Variants in B4GALT6 observed in about 807,000 individuals in gnomAD.
The protein encoded by B4GALT6 is UDP-Gal:beta-GlcNAc beta-1,4-galactosyltransferase 6.
A neutral mutation model predicts 46.3 loss-of-function variants in B4GALT6; 14 were observed. The observed-to-expected ratio is 0.30, with a 90% CI of 0.20 to 0.47. The LOEUF is 0.47. Among genes scored for constraint, B4GALT6 ranks in the 20% least tolerant of loss-of-function variants. The pLI is 0.99. For synonymous variants in B4GALT6, 168 were observed against 162.0 expected (o/e 1.04, Z -0.28); for missense variants, 386 against 480.1 (o/e 0.80, Z 1.83).
chr18:31,680,125 G>A (rs1381541279), intron 1 of B4GALT6, among the ~76,000 whole-genome samples: 1 of 152,124 alleles, frequency 6.6e-6, no homozygotes, highest in Non-Finnish European at 1.5e-5. Flanking sequence ...CATGATATTC[G>A]GATACCAAAT....
At chr18:31,710,017 C>A in the B4GALT6 span, among the ~76,000 whole-genome samples, 1 of 151,520 alleles carries the variant, frequency 6.6e-6, no homozygotes, top group African/African-American at 2.4e-5. Flanking sequence ...ATTGCTTGAA[C>A]CCGGGAGGCA....
chr18:31,638,573 T>G (rs985833638), intron 5 of B4GALT6, 71 bp downstream of exon 5: 25 of 1,212,674 alleles, frequency 2.1e-5, no homozygotes, highest in Non-Finnish European at 2.4e-6. Context: ...ATCCTAAATA[T>G]GTTTAATCTA....
At chr18:31,689,669 G>A (rs1022321106), upstream of B4GALT6, among the ~76,000 whole-genome samples, 3 of 151,134 alleles carry the variant, frequency 2.0e-5, no homozygotes, top group Non-Finnish European at 4.4e-5. Flanking sequence ...GCTTGAACCC[G>A]GGAGACGGAG....
At chr18:31,666,156 C>A in intron 2 of B4GALT6, 100 bp downstream of exon 2, 1 of 592,568 alleles carries the variant, frequency 1.7e-6, no homozygotes. Flanking sequence ...AAGATACCTT[C>A]TTCATCTTTA....
Position 31,680,013 on chromosome 18 carries a change from A to G in B4GALT6, c.115+4299T>C, listed in dbSNP as rs1195993916. Among the ~76,000 whole-genome samples the G allele has an allele frequency of 2.0e-5, 3 of 152,292 alleles. No homozygotes were observed. In the East Asian group the frequency reaches 5.8e-4, roughly 29 times the overall value. On this transcript the variant is annotated intron_variant, in intron 1 of 8. Transcript: ENST00000306851. ...AAGACAATGGACTGCATCGCTTTCAAGACTTCTGACATTTCCTGTTACTCA... is the reference window on the plus strand; with the variant it reads ...AAGACAATGGACTGCATCGCTTTCAGGACTTCTGACATTTCCTGTTACTCA...
At position 31,666,338 on chromosome 18, in the gene B4GALT6, A is replaced by G; in HGVS notation, c.150T>C (p.Gly50=). The part of the protein sequence containing the change: ...NTYLFMVQAR[G]IMLRENVKTI... ...TTTTCACATTTTCTCTCAACATTAT[A>G]CCTCGAGCTTGTACCATAAAGAGAT... Residue 50 remains glycine, a synonymous_variant, in exon 2 of 9, where the codon GGT becomes GGC. Transcript: ENST00000306851. 1.2e-6 allele frequency: 2 copies of G among 1,609,454 alleles called. No homozygotes were observed. Among genetic ancestry groups the G allele is most frequent in the Non-Finnish European group, 1.7e-6 (2 of 1,177,164 alleles).
intron 1 of B4GALT6, among the ~76,000 whole-genome samples, chr18:31,669,489 T>A (rs1449269944): frequency 2.6e-5 from 4 of 152,224 alleles, no homozygotes; most frequent in African/African-American, 9.6e-5. Context: ...TTTAAATGTA[T>A]TAGTTCCTGA....
intron 4 of B4GALT6, among the ~76,000 whole-genome samples, chr18:31,640,775 G>C (rs932853520): frequency 8.5e-5 from 13 of 152,316 alleles, no homozygotes; most frequent in South Asian, 2.1e-4. Flanking sequence ...AACTGTACTG[G>C]AACTATATAC....
intron 1 of B4GALT6, 46 bp from the exon 2 acceptor site, chr18:31,666,418 T>C: frequency 1.1e-6 from 1 of 893,898 alleles, no homozygotes; most frequent in Non-Finnish European, 1.7e-6. Flanking sequence ...CAGTAAGCTT[T>C]TTTTTATTTA....
intron 1 of B4GALT6, among the ~76,000 whole-genome samples, chr18:31,681,610 A>G (rs2074480569): frequency 6.6e-6 from 1 of 152,224 alleles, no homozygotes; most frequent in Non-Finnish European, 1.5e-5. Flanking sequence ...ATCTGAAAAC[A>G]CTGGAAACTA....
the B4GALT6 span, chr18:31,724,452 T>C: frequency 5.8e-6 from 6 of 1,029,566 alleles, no homozygotes; most frequent in Middle Eastern, 4.9e-4. Flanking sequence ...CGCCATGAGC[T>C]AACTCCCCAC....
intron 6 of B4GALT6, 122 bp downstream of exon 6, chr18:31,630,837 A>G: frequency 9.3e-7 from 1 of 1,073,646 alleles, no homozygotes; most frequent in Non-Finnish European, 1.4e-6. Flanking sequence ...CGATGGAGTT[A>G]AAGATGATAT....
intron 5 of B4GALT6, 67 bp from the exon 6 acceptor site, chr18:31,631,213 T>C (rs1480726214): frequency 3.4e-6 from 5 of 1,466,546 alleles, no homozygotes; most frequent in East Asian, 4.7e-5. Flanking sequence ...TTTTTTTTTT[T>C]TTCTTTTTTT....
intron 5 of B4GALT6, among the ~76,000 whole-genome samples, chr18:31,633,714 G>C (rs2073820896): frequency 6.6e-6 from 1 of 152,150 alleles, no homozygotes; most frequent in African/African-American, 2.4e-5. Flanking sequence ...CTTCTCCAGA[G>C]TGCACAGCCT....
intron 2 of B4GALT6, among the ~76,000 whole-genome samples, chr18:31,660,698 T>C (rs1302304825): frequency 1.3e-5 from 2 of 151,256 alleles, no homozygotes; most frequent in Non-Finnish European, 2.9e-5. Flanking sequence ...AGAGAAATAA[T>C]ACATAATAGG....
the B4GALT6 span, among the ~76,000 whole-genome samples, chr18:31,698,772 T>C: frequency 1.3e-5 from 2 of 151,564 alleles, no homozygotes; most frequent in African/African-American, 4.9e-5. Flanking sequence ...GTCAGCTCAT[T>C]AAAAAGAAAA....
intron 1 of B4GALT6, 118 bp downstream of exon 1, chr18:31,684,194 A>C: frequency 6.7e-7 from 1 of 1,493,016 alleles, no homozygotes; most frequent in South Asian, 1.3e-5. Context: ...TTTAAAACAA[A>C]ACGCTTTTCT....
intron 4 of B4GALT6, among the ~76,000 whole-genome samples, chr18:31,643,342 A>T (rs1023126094): frequency 2.0e-5 from 3 of 152,188 alleles, no homozygotes; most frequent in African/African-American, 7.2e-5. Flanking sequence ...TCCTTCACCC[A>T]GGCTAGAGCG....
chr18:31,649,289 C>A (rs1275143095), intron 3 of B4GALT6, among the ~76,000 whole-genome samples: 1 of 148,614 alleles, frequency 6.7e-6, no homozygotes, highest in Admixed American at 6.8e-5. Context: ...CTTGAAGCAA[C>A]CAAACCTGAG....
Sources: gnomAD v4.1 joint callset for allele counts (sites outside exome capture counted in the v4.1 genomes callset) on GRCh38, gnomAD v4.1.1 for gene constraint, MANE v1.5 for transcripts, NCBI Gene and HGNC (gene_info 2026-07-23, HGNC 2026-07-21) for gene names.